The following ATP9B variants were observed in gnomAD, a reference collection of about 807,000 sequenced individuals.
The protein encoded by ATP9B is probable phospholipid-transporting ATPase IIB.
A neutral mutation model predicts 146.1 loss-of-function variants in ATP9B; 110 were observed. That is an observed-to-expected ratio of 0.75 (90% CI 0.65 to 0.88). The LOEUF (loss-of-function observed/expected upper bound fraction) is 0.88, where lower values mean the gene tolerates loss of function less well. Ranked by LOEUF, ATP9B falls within the 40% of genes least tolerant of loss-of-function variation. The pLI, the probability that ATP9B is intolerant of heterozygous loss-of-function variation, is 0.00. For missense variants in ATP9B, 1,499 were observed against 1,496.4 expected, an observed-to-expected ratio of 1.00 and a Z score of -0.03; for synonymous variants, 604 against 569.7, an observed-to-expected ratio of 1.06 and a Z score of -0.86.
At chr18:79,328,765 G>C (rs1022481880) in intron 15 of ATP9B, among the ~76,000 whole-genome samples, 2 of 152,292 alleles carry the variant, frequency 1.3e-5, no homozygotes, top group East Asian at 1.9e-4. Context: ...CATGGAACTG[G>C]GGAGGGAGAA....
chr18:79,166,494 C>T (rs1417691267), intron 7 of ATP9B, among the ~76,000 whole-genome samples: 3 of 152,168 alleles, frequency 2.0e-5, no homozygotes, highest in African/African-American at 4.8e-5. Flanking sequence ...TGAGCTTACA[C>T]ATGACATCAC....
intron 8 of ATP9B, among the ~76,000 whole-genome samples, chr18:79,178,060 T>G (rs1355452777): frequency 7.2e-5 from 11 of 152,330 alleles, no homozygotes; most frequent in Non-Finnish European, 1.5e-5. Context: ...GCCTTTTACC[T>G]GCTTGGTGGT....
intron 1 of ATP9B, among the ~76,000 whole-genome samples, chr18:79,079,727 T>C (rs1451693354): frequency 6.6e-6 from 1 of 152,118 alleles, no homozygotes; most frequent in African/African-American, 2.4e-5. Context: ...TGCCCATGCC[T>C]GTGTCCTGAA....
intron 26 of ATP9B, 38 bp downstream of exon 26, chr18:79,359,500 C>T (rs2096974450): frequency 1.4e-6 from 2 of 1,465,702 alleles, no homozygotes; most frequent in African/African-American, 1.4e-5. Context: ...TCACGACTAG[C>T]ACCCACATCT....
chr18:79,093,494 G>A (rs897718147), intron 1 of ATP9B, among the ~76,000 whole-genome samples: 5 of 152,134 alleles, frequency 3.3e-5, no homozygotes, highest in African/African-American at 1.2e-4. Context: ...TTTGCTTCTA[G>A]TAGTTTGATT....
At chr18:79,308,529 G>C (rs2096631673) in intron 15 of ATP9B, among the ~76,000 whole-genome samples, 1 of 152,220 alleles carries the variant, frequency 6.6e-6, no homozygotes, top group Non-Finnish European at 1.5e-5. Context: ...CTCAGTGGAA[G>C]AAGGCAGGTG....
At chr18:79,134,769 T>TGTGACAATTACCAATTACCAAAAA (rs1313992548) in intron 5 of ATP9B, among the ~76,000 whole-genome samples, 2 of 152,266 alleles carry the variant, frequency 1.3e-5, no homozygotes, top group African/African-American at 2.4e-5. Flanking sequence ...TTGTCACATG[T>TGTGACAATTACCAATTACCAAAAA]AGCAAATGTT....
chr18:79,274,203 T>C (rs1398395744), intron 12 of ATP9B, among the ~76,000 whole-genome samples: 1 of 152,214 alleles, frequency 6.6e-6, no homozygotes. Context: ...AGTATAGTAC[T>C]TTACAGCTGA....
chr18:79,274,251 C>A (rs755825559), intron 12 of ATP9B, among the ~76,000 whole-genome samples: 1 of 152,116 alleles, frequency 6.6e-6, no homozygotes, highest in Non-Finnish European at 1.5e-5. Context: ...AAAATTAGAA[C>A]ATTACTAAAA....
At chr18:79,114,650 A>G (rs2094033403) in intron 4 of ATP9B, among the ~76,000 whole-genome samples, 1 of 152,234 alleles carries the variant, frequency 6.6e-6, no homozygotes, top group South Asian at 2.1e-4. Flanking sequence ...TATATGTAAT[A>G]TAAACACGAA....
In ATP9B at chr18:79,251,992, A is replaced by T. The variant is rs376142429; in HGVS notation, c.1108-1389A>T. 1.4e-4 allele frequency among the ~76,000 whole-genome samples: 22 copies of T among 152,324 alleles called. No individual in the cohort carries two copies. In the South Asian group the frequency reaches 4.4e-3, roughly 30 times the overall value. On this transcript the variant is annotated intron_variant, in intron 11 of 29. Transcript: ENST00000426216. Reference sequence around the variant, plus strand: ...TAAGTTAAGTACATGCTGTTCCCTGACCTAGTGATGCCAAAGGCAGTGGCC... The same window carrying T: ...TAAGTTAAGTACATGCTGTTCCCTGTCCTAGTGATGCCAAAGGCAGTGGCC...
intron 5 of ATP9B, among the ~76,000 whole-genome samples, chr18:79,139,858 A>G (rs917897723): frequency 6.6e-6 from 1 of 151,608 alleles, no homozygotes; most frequent in African/African-American, 2.4e-5. Context: ...TCACCCTTCT[A>G]CTCTCTGTCT....
chr18:79,084,904 A>G (rs1247906405), intron 1 of ATP9B, among the ~76,000 whole-genome samples: 1 of 152,164 alleles, frequency 6.6e-6, no homozygotes, highest in Admixed American at 6.5e-5. Flanking sequence ...CTTATATTTT[A>G]TAAAAATTTC....
chr18:79,343,141 G>A (rs961652689), intron 20 of ATP9B, among the ~76,000 whole-genome samples: 1 of 152,186 alleles, frequency 6.6e-6, no homozygotes, highest in Non-Finnish European at 1.5e-5. Flanking sequence ...TGTAAATGTA[G>A]TTTGTTTTGA....
At chr18:79,070,091 A>G (rs941510687) in intron 1 of ATP9B, among the ~76,000 whole-genome samples, 1 of 152,192 alleles carries the variant, frequency 6.6e-6, no homozygotes. Flanking sequence ...GAGAACGGTT[A>G]ACTTGTTTAG....
intron 15 of ATP9B, among the ~76,000 whole-genome samples, chr18:79,328,877 A>T (rs956074395): frequency 6.6e-6 from 1 of 152,204 alleles, no homozygotes; most frequent in Non-Finnish European, 1.5e-5. Context: ...ATTAACACAA[A>T]TTGTAAAGAA....
chr18:79,126,304 TTGA>T lies in ATP9B; in HGVS notation c.600_602del (p.Asp200del), dbSNP rs1568230982. On this transcript the variant is annotated inframe_deletion, in exon 5 of 30. Transcript: ENST00000426216. ...GCTGTTACTATGACACGGGAAGCAATTGATGAATTTCGGCGTTTTCAGCGTGAC... is the reference window on the plus strand; with the variant it reads ...GCTGTTACTATGACACGGGAAGCAATTGAATTTCGGCGTTTTCAGCGTGAC... 6.2e-7 allele frequency: 1 copy of T among 1,612,458 alleles called. No homozygotes were observed. The highest frequency in any genetic ancestry group is 2.2e-5 in the East Asian group (1 of 44,740).
At chr18:79,302,746 A>G (rs570960344) in intron 13 of ATP9B, among the ~76,000 whole-genome samples, 38 of 152,290 alleles carry the variant, frequency 2.5e-4, no homozygotes, top group African/African-American at 8.7e-4. Context: ...AAGCCATCCT[A>G]TCTTTCACAG....
At chr18:79,329,067 A>C in intron 15 of ATP9B, 74 bp from the exon 16 acceptor site, 1 of 1,384,384 alleles carries the variant, frequency 7.2e-7, no homozygotes, top group South Asian at 1.8e-5. Flanking sequence ...CTTTCTGAGC[A>C]CTGCCGTGCT....
Sources: allele counts gnomAD v4.1 joint callset (sites outside exome capture counted in the v4.1 genomes callset), GRCh38; gene constraint gnomAD v4.1.1; transcripts MANE v1.5; gene names NCBI Gene and HGNC (gene_info 2026-07-23, HGNC 2026-07-21).